FOCAD: variants seen among roughly 807,000 people sequenced by gnomAD.
The protein encoded by FOCAD is KIAA1797.
FOCAD carries 198 observed loss-of-function variants against 225.6 expected under a neutral mutation model. The ratio of observed to expected loss-of-function variants is 0.88; its 90% confidence interval spans 0.78 to 0.99. The LOEUF (loss-of-function observed/expected upper bound fraction) is 0.99. Ranked by LOEUF, FOCAD falls within the 50% of genes least tolerant of loss-of-function variation. The probability of loss-of-function intolerance (pLI) is 0.00; values close to 1 mark genes in which losing one functional copy is unlikely to be tolerated. For missense variants in FOCAD, 2,713 were observed against 2,123.6 expected, an observed-to-expected ratio of 1.28 and a Z score of -5.46; for synonymous variants, 897 against 755.0, an observed-to-expected ratio of 1.19 and a Z score of -3.08.
At chr9:20,934,094 A>G (rs1167932151) in intron 28 of FOCAD, among the ~76,000 whole-genome samples, 1 of 152,112 alleles carries the variant, frequency 6.6e-6, no homozygotes, top group Non-Finnish European at 1.5e-5. Flanking sequence ...TTTGTTGTAG[A>G]TTCTGGATAT....
intron 5 of FOCAD, among the ~76,000 whole-genome samples, chr9:20,753,860 T>G (rs1246344948): frequency 1.3e-5 from 2 of 152,292 alleles, no homozygotes; most frequent in East Asian, 1.9e-4. Flanking sequence ...TAGGTTATTG[T>G]CTGCTACTGT....
intron 15 of FOCAD, among the ~76,000 whole-genome samples, chr9:20,836,418 T>C (rs916750526): frequency 2.6e-5 from 4 of 152,056 alleles, no homozygotes; most frequent in African/African-American, 4.8e-5. Context: ...CTGTCTAACC[T>C]TGCAGAAGAG....
At chr9:20,677,546 A>T (rs1476418665) in intron 2 of FOCAD, among the ~76,000 whole-genome samples, 1 of 152,192 alleles carries the variant, frequency 6.6e-6, no homozygotes, top group Non-Finnish European at 1.5e-5. Context: ...TAAAAAATGG[A>T]CTAAGGACCT....
chr9:20,862,862 A>G (rs948026560), intron 16 of FOCAD, 150 bp downstream of exon 16: 9 of 648,172 alleles, frequency 1.4e-5, no homozygotes, highest in Admixed American at 3.7e-5. Context: ...TAGGAGTAAG[A>G]TAGCTCCTCA....
At chr9:20,841,346 T>C (rs1826506059) in intron 15 of FOCAD, among the ~76,000 whole-genome samples, 1 of 151,948 alleles carries the variant, frequency 6.6e-6, no homozygotes, top group Non-Finnish European at 1.5e-5. Context: ...AAATGTCTTT[T>C]GATTGCAGAG....
At chr9:20,722,833 T>A (rs1393932749) in intron 4 of FOCAD, among the ~76,000 whole-genome samples, 1 of 152,180 alleles carries the variant, frequency 6.6e-6, no homozygotes, top group Non-Finnish European at 1.5e-5. Context: ...AATGCAGGGA[T>A]GGTATTTTTT....
At chr9:20,699,507 C>A (rs531738795) in intron 1 of FOCAD, among the ~76,000 whole-genome samples, 2 of 150,964 alleles carry the variant, frequency 1.3e-5, no homozygotes, top group Admixed American at 6.6e-5. Context: ...TTTGGGAGGC[C>A]CAGGTGGGTG....
intron 15 of FOCAD, among the ~76,000 whole-genome samples, chr9:20,849,674 G>A (rs1283605337): frequency 6.6e-6 from 1 of 151,866 alleles, no homozygotes; most frequent in African/African-American, 2.4e-5. Context: ...TCGTGTACAT[G>A]GGGTATTTGA....
At chr9:20,851,852 G>C (rs1485677967) in intron 15 of FOCAD, among the ~76,000 whole-genome samples, 1 of 151,838 alleles carries the variant, frequency 6.6e-6, no homozygotes, top group Admixed American at 6.6e-5. Context: ...TTTTTTGTAA[G>C]TAAAGTTTTA....
intron 21 of FOCAD, among the ~76,000 whole-genome samples, chr9:20,901,770 T>C (rs940553643): frequency 2.6e-5 from 4 of 151,912 alleles, no homozygotes; most frequent in Non-Finnish European, 5.9e-5. Flanking sequence ...AAAGCTTACA[T>C]CATACAGATT....
chr9:20,715,755 G>A (rs1179240334), intron 2 of FOCAD, among the ~76,000 whole-genome samples: 1 of 151,596 alleles, frequency 6.6e-6, no homozygotes, highest in East Asian at 1.9e-4. Flanking sequence ...AAGAGTATGA[G>A]GGATTAATAT....
At chr9:20,865,794 T>A (rs1829175804) in intron 16 of FOCAD, 132 bp from the exon 17 acceptor site, 1 of 598,640 alleles carries the variant, frequency 1.7e-6, no homozygotes, top group South Asian at 2.3e-5. Flanking sequence ...GATGGGTGAA[T>A]ACACATTAAG....
chr9:20,875,012 A>G (rs920850783), intron 19 of FOCAD: 9 of 563,306 alleles, frequency 1.6e-5, no homozygotes, highest in African/African-American at 1.4e-4. Flanking sequence ...ACATCTGAGT[A>G]GGATTGAACA....
At chr9:20,757,788 A>C (rs888055353) in intron 5 of FOCAD, among the ~76,000 whole-genome samples, 3 of 152,148 alleles carry the variant, frequency 2.0e-5, no homozygotes, top group Non-Finnish European at 4.4e-5. Context: ...GAGCTGCTGG[A>C]TTCAGGAGCT....
chr9:20,766,829 T>G (rs966114427), intron 7 of FOCAD, among the ~76,000 whole-genome samples: 22 of 148,502 alleles, frequency 1.5e-4, no homozygotes, highest in Admixed American at 1.1e-3. Context: ...GATGTGGTCT[T>G]TTTTTTTTAT....
intron 15 of FOCAD, among the ~76,000 whole-genome samples, chr9:20,831,803 A>G (rs948484069): frequency 1.3e-5 from 2 of 152,078 alleles, no homozygotes; most frequent in Admixed American, 1.3e-4. Flanking sequence ...TCAATTTTAG[A>G]ACATTTTCAT....
At chr9:20,887,416 G>A (rs1289774095) in intron 21 of FOCAD, among the ~76,000 whole-genome samples, 3 of 151,962 alleles carry the variant, frequency 2.0e-5, no homozygotes, top group Non-Finnish European at 4.4e-5. Flanking sequence ...TGTATTTTTA[G>A]TAGAGATGGA....
chr9:20,856,963 C>T (rs924032648), intron 15 of FOCAD, among the ~76,000 whole-genome samples: 1 of 145,542 alleles, frequency 6.9e-6, no homozygotes, highest in Admixed American at 7.0e-5. Flanking sequence ...GTTTTTATGC[C>T]AATACCATGC....
intron 9 of FOCAD, among the ~76,000 whole-genome samples, chr9:20,779,654 G>A (rs1255323889): frequency 6.6e-6 from 1 of 151,906 alleles, no homozygotes; most frequent in African/African-American, 2.4e-5. Context: ...GTTGGCTGAG[G>A]CAGGATAATC....
Sources: allele counts gnomAD v4.1 joint callset (sites outside exome capture counted in the v4.1 genomes callset), GRCh38; gene constraint gnomAD v4.1.1; transcripts MANE v1.5; gene names NCBI Gene and HGNC (gene_info 2026-07-23, HGNC 2026-07-21).